Variants in RPS6KB1 observed in about 807,000 individuals in gnomAD.
The protein encoded by RPS6KB1 is ribosomal protein S6 kinase beta-1.
In RPS6KB1, 12 loss-of-function variants were observed where a neutral mutation model predicts 70.2. The observed-to-expected ratio is 0.17, with a 90% CI of 0.11 to 0.28. RPS6KB1 has a LOEUF of 0.28. Ranked by LOEUF, RPS6KB1 falls within the 10% of genes least tolerant of loss-of-function variation. The pLI, the probability that RPS6KB1 is intolerant of heterozygous loss-of-function variation, is 1.00. For missense variants in RPS6KB1, 270 were observed against 646.6 expected, an observed-to-expected ratio of 0.42 and a Z score of 6.32; for synonymous variants, 175 against 211.2, an observed-to-expected ratio of 0.83 and a Z score of 1.49.
intron 7 of RPS6KB1, among the ~76,000 whole-genome samples, chr17:59,933,193 T>C (rs1019876948): frequency 1.3e-5 from 2 of 150,926 alleles, no homozygotes; most frequent in Admixed American, 1.3e-4. Flanking sequence ...ATTATACTCC[T>C]CCACCCACCT....
At chr17:59,902,505 T>C (rs1285791988) in intron 1 of RPS6KB1, among the ~76,000 whole-genome samples, 3 of 152,130 alleles carry the variant, frequency 2.0e-5, no homozygotes, top group Non-Finnish European at 4.4e-5. Context: ...TGTTTATCCA[T>C]TTACCGGTTG....
chr17:59,930,342 A>G, intron 6 of RPS6KB1, 168 bp downstream of exon 6: 1 of 655,804 alleles, frequency 1.5e-6, no homozygotes, highest in Non-Finnish European at 2.8e-6. Context: ...AGGTCACATC[A>G]TTCCTTTGCC....
intron 1 of RPS6KB1, among the ~76,000 whole-genome samples, chr17:59,897,878 T>C (rs895817609): frequency 2.4e-4 from 36 of 150,894 alleles, no homozygotes; most frequent in African/African-American, 8.3e-4. Context: ...GGCAGGAGAA[T>C]CTCTTGAACC....
chr17:59,906,600 AATCCACCTATCTTGGC>A (rs2042275870), intron 1 of RPS6KB1, among the ~76,000 whole-genome samples: 2 of 150,484 alleles, frequency 1.3e-5, no homozygotes, highest in Admixed American at 6.6e-5. Flanking sequence ...GACCTCGAGT[AATCCACCTATCTTGGC>A]CTCCTAAAGT....
intron 4 of RPS6KB1, among the ~76,000 whole-genome samples, chr17:59,915,773 A>ATGTTTT (rs1157185738): frequency 1.2e-5 from 1 of 86,220 alleles, no homozygotes; most frequent in African/African-American, 6.7e-5. Context: ...GCCTACTGCT[A>ATGTTTT]TCTTTTTTTT....
At chr17:59,898,427 T>C (rs1425884632) in intron 1 of RPS6KB1, among the ~76,000 whole-genome samples, 1 of 152,124 alleles carries the variant, frequency 6.6e-6, no homozygotes, top group Non-Finnish European at 1.5e-5. Context: ...TTGTAATATA[T>C]ACTTACTATA....
chr17:59,914,470 A>G (rs1419591603), intron 3 of RPS6KB1, among the ~76,000 whole-genome samples, 165 bp from the exon 4 acceptor site: 1 of 152,214 alleles, frequency 6.6e-6, no homozygotes, highest in Non-Finnish European at 1.5e-5. Flanking sequence ...CAGAACAAAC[A>G]GGAAAGTCAT....
intron 7 of RPS6KB1, among the ~76,000 whole-genome samples, chr17:59,932,499 A>G (rs1314868200): frequency 6.6e-6 from 1 of 152,156 alleles, no homozygotes; most frequent in Non-Finnish European, 1.5e-5. Context: ...AAATTGAACC[A>G]AAGTATTTGA....
In RPS6KB1 at chr17:59,949,724, T is replaced by C. The variant is rs1426768035; in HGVS notation, c.*2936T>C. 2 of 152,482 alleles carry C rather than the reference T, an allele frequency of 1.3e-5. No homozygotes were observed. Among genetic ancestry groups the C allele is most frequent in the Non-Finnish European group, 2.9e-5 (2 of 67,918 alleles). The allele number at this position is 152,482 out of a possible 1,614,324, so 9.4% of individuals were successfully genotyped here. A position where few individuals can be genotyped will look rare whatever the true frequency, so the allele number is the denominator to read the frequency against. The stretch of plus-strand genomic sequence containing the variant: ...CAAGAAGGATTTTTCCATACTATTT[T>C]TTAAGATAGAAGATAATTTGTGGGC... On this transcript the variant is annotated 3_prime_UTR_variant, in exon 15 of 15. Transcript: ENST00000225577.
chr17:59,930,296 A>AG (rs904516421), intron 6 of RPS6KB1, 122 bp downstream of exon 6: 3 of 736,038 alleles, frequency 4.1e-6, no homozygotes, highest in Non-Finnish European at 7.5e-6. Flanking sequence ...CAGGACCTCA[A>AG]GGGGGAGAAG....
At chr17:59,917,435 A>C (rs2043023385) in intron 4 of RPS6KB1, among the ~76,000 whole-genome samples, 1 of 151,726 alleles carries the variant, frequency 6.6e-6, no homozygotes, top group African/African-American at 2.4e-5. Flanking sequence ...TAATTAAATT[A>C]ATTAATTTAT....
In RPS6KB1 at chr17:59,893,749, G is replaced by C; in HGVS notation, c.141+424G>C. ...TAGAATTTCAAGTATTGAATCTTCA[G>C]ACCTCCCACAACCACCTCTCTTCTC... is the stretch of plus-strand genomic sequence containing the variant. On this transcript the variant is annotated intron_variant, in intron 1 of 14. Coordinates refer to ENST00000225577, the MANE Select transcript of RPS6KB1 (RefSeq NM_003161.4). The surrounding 1 kb of genome is among the most constrained non-coding windows in gnomAD (Gnocchi z 4.1). The C allele has an allele frequency of 1.0e-6, 1 of 994,458 alleles. No homozygotes were observed. The highest frequency in any genetic ancestry group is 1.2e-6 in the Non-Finnish European group (1 of 834,494). The allele number at this position is 994,458 out of a possible 1,614,324, so 61.6% of individuals were successfully genotyped here.
At chr17:59,905,863 C>T (rs564855985) in intron 1 of RPS6KB1, among the ~76,000 whole-genome samples, 1 of 151,934 alleles carries the variant, frequency 6.6e-6, no homozygotes, top group African/African-American at 2.4e-5. Context: ...GCTCTGTTGC[C>T]CAGGCTGGAG....
intron 1 of RPS6KB1, among the ~76,000 whole-genome samples, chr17:59,909,147 C>T (rs1485057390): frequency 1.4e-5 from 2 of 146,572 alleles, no homozygotes; most frequent in East Asian, 2.0e-4. Context: ...AGGCTGGTCT[C>T]GAACCCCCAA....
chr17:59,943,893 TATATATATATATACAC>T (rs938102314), intron 13 of RPS6KB1, among the ~76,000 whole-genome samples: 1 of 137,006 alleles, frequency 7.3e-6, no homozygotes, highest in Non-Finnish European at 1.6e-5. Context: ...AAAAAAATTA[TATATATATATATACAC>T]ATATATATAT....
chr17:59,941,809 T>G (rs1429816217), intron 13 of RPS6KB1, among the ~76,000 whole-genome samples: 1 of 146,618 alleles, frequency 6.8e-6, no homozygotes, highest in African/African-American at 2.5e-5. Context: ...AATTTTTGTA[T>G]TTTTAGTAGA....
chr17:59,911,103 C>T (rs1271585526), intron 2 of RPS6KB1, among the ~76,000 whole-genome samples: 2 of 152,096 alleles, frequency 1.3e-5, no homozygotes, highest in Non-Finnish European at 2.9e-5. Flanking sequence ...GCCGACATGG[C>T]GAAACCCCGT....
rs768324119 is a variant in RPS6KB1, at chr17:59,924,174, CA to C, written c.382-2256del. Among the ~76,000 whole-genome samples the C allele has an allele frequency of 2.9e-3, 434 of 152,066 alleles. 2 individuals are homozygous for C. Among genetic ancestry groups the C allele is most frequent in the Non-Finnish European group, 4.2e-3 (287 of 67,972 alleles). ...TGAAACCCCATCTCTACTAAAAATA[CA>C]AAAATTAGCCAGGTGTGGTGGCAGG... is the stretch of plus-strand genomic sequence containing the variant. On this transcript the variant is annotated intron_variant, in intron 4 of 14. Transcript: ENST00000225577.
chr17:59,914,284 G>C (rs2042814792), intron 3 of RPS6KB1, among the ~76,000 whole-genome samples: 1 of 151,420 alleles, frequency 6.6e-6, no homozygotes, highest in East Asian at 2.0e-4. Flanking sequence ...GTGAAGCAAG[G>C]GCAGTGGCAA....
Sources: allele counts gnomAD v4.1 joint callset (sites outside exome capture counted in the v4.1 genomes callset), GRCh38; gene constraint gnomAD v4.1.1; non-coding constraint Gnocchi (gnomAD v3.1); transcripts MANE v1.5; gene names NCBI Gene and HGNC (gene_info 2026-07-23, HGNC 2026-07-21).